CKMT2: variants seen among roughly 807,000 people sequenced by gnomAD.
The protein encoded by CKMT2 is creatine kinase, mitochondrial 2, also known as creatine kinase S-type, mitochondrial.
In CKMT2, 43 loss-of-function variants were observed where a neutral mutation model predicts 48.9. That is an observed-to-expected ratio of 0.88 (90% CI 0.69 to 1.13). The LOEUF (loss-of-function observed/expected upper bound fraction) is 1.13, where lower values mean the gene tolerates loss of function less well. CKMT2 is among the 50% of genes most tolerant of loss of function. CKMT2 has a pLI of 0.00. For synonymous variants in CKMT2, 206 were observed against 213.0 expected (o/e 0.97, Z 0.29); for missense variants, 472 against 555.4 (o/e 0.85, Z 1.51).
At chr5:81,235,008 TCA>T (rs770518114) in intron 1 of CKMT2, among the ~76,000 whole-genome samples, 4 of 152,108 alleles carry the variant, frequency 2.6e-5, no homozygotes, top group Non-Finnish European at 4.4e-5. Context: ...CCAGGAAGCC[TCA>T]GAGACTCCCT....
At chr5:81,261,779 T>C (rs1757233249) in intron 8 of CKMT2, among the ~76,000 whole-genome samples, 1 of 152,212 alleles carries the variant, frequency 6.6e-6, no homozygotes, top group South Asian at 2.1e-4. Context: ...CCCAAAGTAA[T>C]TTATAGATTC....
chr5:81,248,742 T>A (rs1756696678), intron 1 of CKMT2, among the ~76,000 whole-genome samples: 1 of 152,228 alleles, frequency 6.6e-6, no homozygotes, highest in Non-Finnish European at 1.5e-5. Flanking sequence ...TAATCTGATT[T>A]CCTGGGCTAT....
At chr5:81,246,007 A>G (rs1333738255) in intron 1 of CKMT2, among the ~76,000 whole-genome samples, 1 of 151,960 alleles carries the variant, frequency 6.6e-6, no homozygotes, top group Non-Finnish European at 1.5e-5. Context: ...ATAGACTGCA[A>G]ATACATTCTC....
At chr5:81,265,988 A>ATATC (rs1161517815) in intron 9 of CKMT2, 151 bp from the exon 10 acceptor site, 1 of 630,888 alleles carries the variant, frequency 1.6e-6, no homozygotes, top group East Asian at 2.7e-5. Context: ...AGAAACCCTT[A>ATATC]TATCTCTGCC....
intron 8 of CKMT2, among the ~76,000 whole-genome samples, chr5:81,263,180 T>C (rs1220029841): frequency 1.7e-5 from 1 of 57,798 alleles, no homozygotes; most frequent in Non-Finnish European, 3.5e-5. Context: ...AGTTGGGGGG[T>C]GGGGGTTTGG....
chr5:81,251,294 C>T lies in CKMT2; in HGVS notation c.152+10C>T, dbSNP rs774133863. On this transcript the variant is annotated intron_variant, in intron 2 of 9. Transcript: ENST00000254035. ...GGCTATTTCCTCCAAGGTAAGGGCT[C>T]CTGACTTTAAAATAACCTCAGGCCA... 15 of 1,613,278 alleles carry T rather than the reference C, an allele frequency of 9.3e-6. No homozygotes were observed. The highest frequency in any genetic ancestry group is 3.3e-5 in the Admixed American group (2 of 59,996).
chr5:81,242,464 C>G (rs1756470533), intron 1 of CKMT2: 1 of 507,380 alleles, frequency 2.0e-6, no homozygotes, highest in South Asian at 1.6e-5. Flanking sequence ...CAGAGGTCGC[C>G]TACTCATTCC....
At chr5:81,236,485 G>T (rs1756246688) in intron 1 of CKMT2, among the ~76,000 whole-genome samples, 1 of 152,176 alleles carries the variant, frequency 6.6e-6, no homozygotes, top group African/African-American at 2.4e-5. Flanking sequence ...ATACTTGGCA[G>T]GATTGTTACA....
intron 8 of CKMT2, 85 bp downstream of exon 8, chr5:81,259,339 A>G (rs1025934727): frequency 8.0e-7 from 1 of 1,243,746 alleles, no homozygotes; most frequent in Non-Finnish European, 1.1e-6. Flanking sequence ...ATCACTGCCC[A>G]TTCCTTAACC....
intron 8 of CKMT2, 84 bp from the exon 9 acceptor site, chr5:81,263,405 CTA>C (rs1274969076): frequency 2.5e-6 from 2 of 788,220 alleles, no homozygotes. Context: ...TTATCTCTCA[CTA>C]TATGTCTTTT....
rs762948369 is a variant in CKMT2, at chr5:81,251,274, T to C, written c.142T>C (p.Phe48Leu). The change falls in exon 2 of 10, where the codon TTT becomes CTT. Residue 48 changes from phenylalanine to leucine, a missense_variant. Coordinates refer to ENST00000254035, the MANE Select transcript of CKMT2 (RefSeq NM_001099735.2). ...CGAGGTCCGGGAGCAGCCTAGGCTATTTCCTCCAAGGTAAGGGCTCCTGAC... is the reference window on the plus strand; with the variant it reads ...CGAGGTCCGGGAGCAGCCTAGGCTACTTCCTCCAAGGTAAGGGCTCCTGAC... The part of the protein sequence containing the change: ...CAEVREQPRL[F>L]PPSADYPDLR... The C allele has an allele frequency of 6.2e-5, 100 of 1,613,820 alleles. No individual in the cohort carries two copies. The highest frequency in any genetic ancestry group is 8.1e-5 in the Non-Finnish European group (96 of 1,179,954).
chr5:81,237,466 C>G (rs1438163422), intron 1 of CKMT2: 1 of 152,098 alleles, frequency 6.6e-6, no homozygotes, highest in East Asian at 1.9e-4. Context: ...AATCGGGGAG[C>G]TTTTTCTCAT....
rs144040393 is a variant in CKMT2 at position 81,263,562 on chromosome 5, C to T, written c.1086C>T (p.Ala362=). ...GTGGCACAGGTGGTGTGGACACTGC[C>T]GCGGTCGCAGATGTGTACGACATTT... ...QKRGTGGVDT[A]AVADVYDISN... Residue 362 remains alanine, a synonymous_variant, in exon 9 of 10, where the codon GCC becomes GCT. Transcript: ENST00000254035. The T allele has an allele frequency of 9.7e-5, 156 of 1,612,836 alleles. 1 individual carries two copies. The highest frequency in any genetic ancestry group is 8.5e-4 in the East Asian group (38 of 44,828).
Position 81,266,366 on chromosome 5 carries a change from G to T in CKMT2, c.*108G>T. On this transcript the variant is annotated 3_prime_UTR_variant, in exon 10 of 10. Transcript: ENST00000254035. ...GGAAAAATATAAAATTGTAGATCCT[G>T]CCTATCTTTACAATAAAACTCTCCT... is the stretch of plus-strand genomic sequence containing the variant. The T allele has an allele frequency of 9.4e-7, 1 of 1,066,292 alleles. No individual in the cohort carries two copies. The highest frequency in any genetic ancestry group is 1.4e-6 in the Non-Finnish European group (1 of 739,536). 66.1% of individuals were successfully genotyped at this position (1,066,292 alleles called of 1,614,324 possible).
At chr5:81,262,623 C>T (rs13187211) in intron 8 of CKMT2, among the ~76,000 whole-genome samples, 10,185 of 152,156 alleles carry the variant, frequency 0.067, 416 homozygotes, top group Admixed American at 0.099. Flanking sequence ...ATTAAAACCA[C>T]ACCGAGATAC....
rs776876994 is a variant in CKMT2 at position 81,257,364 on chromosome 5, A to AC, written c.756-364dup. Among the ~76,000 whole-genome samples the AC allele has an allele frequency of 6.1e-3, 917 of 151,150 alleles. 9 individuals are homozygous for AC. The highest frequency in any genetic ancestry group is 0.018 in the African/African-American group (732 of 41,228). On this transcript the variant is annotated intron_variant, in intron 6 of 9. Coordinates refer to ENST00000254035, the MANE Select transcript of CKMT2 (RefSeq NM_001099735.2). Reference sequence around the variant, plus strand: ...CCTTCAACATCTTGGGTGGAAGGTAACCCCCACCCGCTTTTTAGAGCACAA... The same window carrying AC: ...CCTTCAACATCTTGGGTGGAAGGTAACCCCCCACCCGCTTTTTAGAGCACAA...
chr5:81,258,463 T>C (rs1405866371), intron 7 of CKMT2, among the ~76,000 whole-genome samples: 2 of 152,204 alleles, frequency 1.3e-5, no homozygotes, highest in South Asian at 2.1e-4. Flanking sequence ...TGATAATTCC[T>C]GTATTCTCCT....
At chr5:81,233,691 T>G (rs866631725) in intron 1 of CKMT2, among the ~76,000 whole-genome samples, 1 of 152,162 alleles carries the variant, frequency 6.6e-6, no homozygotes, top group Non-Finnish European at 1.5e-5. Flanking sequence ...CTAAAGGCTG[T>G]ATTTTGACGC....
chr5:81,254,928 CACTGTG>C, intron 4 of CKMT2, 59 bp from the exon 5 acceptor site: 1 of 1,341,600 alleles, frequency 7.5e-7, no homozygotes, highest in East Asian at 2.3e-5. Flanking sequence ...GATTAGAACC[CACTGTG>C]GCTGTGGCAG....
Sources: gnomAD v4.1 joint callset for allele counts (sites outside exome capture counted in the v4.1 genomes callset) on GRCh38, gnomAD v4.1.1 for gene constraint, MANE v1.5 for transcripts, NCBI Gene and HGNC (gene_info 2026-07-23, HGNC 2026-07-21) for gene names.